FLG2: variants seen among roughly 807,000 people sequenced by gnomAD.
The protein encoded by FLG2 is filaggrin 2, also known as filaggrin-2.
Under a neutral mutation model 3.9 loss-of-function variants are expected in FLG2, and 7 were observed. The ratio of observed to expected loss-of-function variants is 1.79; its 90% CI spans 1.02 to 3.36. The LOEUF is 3.36. Among genes scored for constraint, FLG2 ranks in the 30% most tolerant of loss-of-function variants. FLG2 has a pLI of 0.00. For synonymous variants in FLG2, 1,031 were observed against 1,056.1 expected, an observed-to-expected ratio of 0.98 and a Z score of 0.46; for missense variants, 2,700 against 2,809.4, an observed-to-expected ratio of 0.96 and a Z score of 0.88.
In FLG2 at chr1:152,351,317, G is replaced by A. The variant is rs140645128; in HGVS notation, c.6469C>T (p.His2157Tyr). ...GACTGTCCATGACCAGACTGGCCAT[G>A]TCTAGTGGTATCTCCTGTCTGTCCA... ...IHGQTGDTTR[H>Y]GQSGHGQSTQ... Residue 2157 changes from histidine (H) to tyrosine (Y), a missense_variant, in exon 3 of 3, where the codon CAT (histidine) becomes TAT (tyrosine). His to Tyr is a moderately conservative substitution (Grantham distance 83). Coordinates refer to ENST00000388718, the MANE Select transcript of FLG2 (RefSeq NM_001014342.3). 6 of 1,613,906 alleles carry A rather than the reference G, an allele frequency of 3.7e-6. No homozygotes were observed. The African/African-American group carries it at 5.3e-5, about 14-fold the overall frequency.
Position 152,355,657 on chromosome 1 carries a change from C to G in FLG2, c.2129G>C (p.Gly710Ala). ...TCCAGATGTCTGTCCTGAACTTGAC[C>G]CATGTTGACCATAGCCAGATGATTG... ...SSQSSGYGQH[G>A]SSSGQTSGFG... Residue 710 changes from glycine to alanine, a missense_variant, in exon 3 of 3, where the codon GGG (glycine) becomes GCG (alanine). Physicochemically the swap from Gly to Ala is moderately conservative, Grantham distance 60. Coordinates refer to ENST00000388718, the MANE Select transcript of FLG2 (RefSeq NM_001014342.3). 1 of 1,612,984 alleles carries G rather than the reference C, an allele frequency of 6.2e-7. No homozygotes were observed. The highest frequency in any genetic ancestry group is 8.5e-7 in the Non-Finnish European group (1 of 1,179,912).
At position 152,351,075 on chromosome 1, in the gene FLG2, A is replaced by G. The variant is rs150581091; in HGVS notation, c.6711T>C (p.Tyr2237=). 2.5e-6 allele frequency: 4 copies of G among 1,613,430 alleles called. No homozygotes were observed. Among genetic ancestry groups the G allele is most frequent in the Non-Finnish European group, 3.4e-6 (4 of 1,179,892 alleles). The change falls in exon 3 of 3, where the codon TAT becomes TAC. Residue 2237 remains tyrosine (Y), a synonymous_variant. Transcript: ENST00000388718. ...TGGACCCTCTCTGTGTGGATTGTCC[A>G]TAACCATAGTGGGCATGTCTAGTGG... is the stretch of plus-strand genomic sequence containing the variant. The part of the protein sequence containing the change: ...GDTTRHAHYG[Y]GQSTQRGSRT...
At position 152,351,643 on chromosome 1, in the gene FLG2, C is replaced by T. The variant is rs772380958; in HGVS notation, c.6143G>A (p.Gly2048Glu). ...GHSGVSHTHS[G>E]HAHGQAGSQH... ...AGATCCGGCTTGGCCATGAGCGTGT[C>T]CTGAATGTGTGTGTGAGACCCCTGA... The change falls in exon 3 of 3, where the codon GGA becomes GAA. Residue 2048 changes from glycine to glutamate, a missense_variant. By Grantham distance (98) the Gly-to-Glu change is moderately conservative. Coordinates refer to ENST00000388718, the MANE Select transcript of FLG2 (RefSeq NM_001014342.3). 34 of 1,611,018 alleles carry T rather than the reference C, an allele frequency of 2.1e-5. No individual in the cohort carries two copies. Among genetic ancestry groups the T allele is most frequent in the Non-Finnish European group, 2.7e-5 (32 of 1,179,518 alleles).
Position 152,355,455 on chromosome 1 carries a change from T to C in FLG2, c.2331A>G (p.Ser777=), listed in dbSNP as rs772100193. Residue 777 remains serine (S), a synonymous_variant, in exon 3 of 3, where the codon TCA becomes TCG. Coordinates refer to ENST00000388718, the MANE Select transcript of FLG2 (RefSeq NM_001014342.3). ...GTTGGCCATAGCCAGATGACTGACTTGAGCCAGAACTGTGTTGGCCATAGC... is the reference window on the plus strand; with the variant it reads ...GTTGGCCATAGCCAGATGACTGACTCGAGCCAGAACTGTGTTGGCCATAGC... The part of the protein sequence containing the change: ...QSSYGQHSSG[S]SQSSGYGQHG... 1.2e-6 allele frequency: 2 copies of C among 1,612,754 alleles called. No homozygotes were observed. Among genetic ancestry groups the C allele is most frequent in the Non-Finnish European group, 1.7e-6 (2 of 1,179,802 alleles).
Position 152,356,170 on chromosome 1 carries a change from C to T in FLG2, c.1616G>A (p.Arg539His), listed in dbSNP as rs146826451. The change falls in exon 3 of 3, where the codon CGT becomes CAT. Residue 539 changes from arginine to histidine, a missense_variant. Physicochemically the swap from Arg to His is conservative, Grantham distance 29. Transcript: ENST00000388718. The stretch of plus-strand genomic sequence containing the variant: ...ACCATGTTGGCCATAGCTAGACTGA[C>T]GTGATCTAGACTCATGTTGTCCAAA... ...SGFGQHESRSRQSSYGQHGSG... is the reference protein window; with the variant it reads ...SGFGQHESRSHQSSYGQHGSG... 238 of 1,613,944 alleles carry T rather than the reference C, an allele frequency of 1.5e-4. 1 individual carries two copies. The highest frequency in any genetic ancestry group is 2.4e-4 in the South Asian group (22 of 91,070).
Position 152,354,134 on chromosome 1 carries a change from A to C in FLG2, c.3652T>G (p.Leu1218Val). Residue 1218 changes from leucine (L) to valine (V), a missense_variant, in exon 3 of 3, where the codon TTG (leucine) becomes GTG (valine). Physicochemically the swap from Leu to Val is conservative, Grantham distance 32. Transcript: ENST00000388718. ...ACTTGTTGAGATTCACCCTGGCCCAAGCCAGTTGATTGACCTGAGCCTGAA... is the reference window on the plus strand; with the variant it reads ...ACTTGTTGAGATTCACCCTGGCCCACGCCAGTTGATTGACCTGAGCCTGAA... ...YGSGSGQSTG[L>V]GQGESQQVES... 6.2e-7 allele frequency: 1 copy of C among 1,614,258 alleles called. No homozygotes were observed. The highest frequency in any genetic ancestry group is 8.5e-7 in the Non-Finnish European group (1 of 1,180,044).
Position 152,349,566 on chromosome 1 carries a change from T to C in FLG2, c.*1044A>G, listed in dbSNP as rs11204982. ...AAAATGAAAGAACAGACATATACCC[T>C]TACTACCAAAAGAGGAGATCATGTT... On this transcript the variant is annotated 3_prime_UTR_variant, in exon 3 of 3. Transcript: ENST00000388718. 0.25 allele frequency: 37,594 copies of C among 152,560 alleles called. 5,649 individuals carry two copies. Among genetic ancestry groups the C allele is most frequent in the East Asian group, 0.48 (2,465 of 5,162 alleles). The allele number at this position is 152,560 out of a possible 1,614,324, so 9.5% of individuals were successfully genotyped here. A position where few individuals can be genotyped will look rare whatever the true frequency, so the allele number is the denominator to read the frequency against.
chr1:152,350,887 T>G lies in FLG2; in HGVS notation c.6899A>C (p.Gln2300Pro). The G allele has an allele frequency of 1.2e-6, 2 of 1,614,162 alleles. No homozygotes were observed. The highest frequency in any genetic ancestry group is 1.7e-6 in the Non-Finnish European group (2 of 1,180,020). ...VHGRLETTHG[Q>P]TGDTTRHGHS... Reference sequence around the variant, plus strand: ...GCCATGTCTAGTGGTATCTCCTGTCTGTCCATGAGTAGTTTCCAGTCTCCC... The same window carrying G: ...GCCATGTCTAGTGGTATCTCCTGTCGGTCCATGAGTAGTTTCCAGTCTCCC... Residue 2300 changes from glutamine to proline, a missense_variant, in exon 3 of 3, where the codon CAG (glutamine) becomes CCG (proline). Transcript: ENST00000388718.
chr1:152,358,459 C>T (rs987927597), intron 2 of FLG2, among the ~76,000 whole-genome samples: 2 of 151,870 alleles, frequency 1.3e-5, no homozygotes, highest in Non-Finnish European at 2.9e-5. Flanking sequence ...TTTATTAATT[C>T]GTGTCCTAGT....
chr1:152,353,502 A>G lies in FLG2; in HGVS notation c.4284T>C (p.Ser1428=), dbSNP rs1310531045. Residue 1428 remains serine, a synonymous_variant, in exon 3 of 3, where the codon AGT becomes AGC. Coordinates refer to ENST00000388718, the MANE Select transcript of FLG2 (RefSeq NM_001014342.3). ...GRRGSGHSES[S]DSEVHSGGSH... is the part of the protein sequence containing the mutation. ...AGCCCCCTGAGTGCACTTCACTGTC[A>G]CTGGACTCACTATGGCCAGATCCCC... is the stretch of plus-strand genomic sequence containing the variant. 3 of 1,612,958 alleles carry G rather than the reference A, an allele frequency of 1.9e-6. No homozygotes were observed. Among genetic ancestry groups the G allele is most frequent in the Non-Finnish European group, 2.5e-6 (3 of 1,179,810 alleles).
intron 2 of FLG2, 78 bp downstream of exon 2, chr1:152,358,669 C>A (rs1557901269): frequency 6.8e-7 from 1 of 1,477,848 alleles, no homozygotes; most frequent in Admixed American, 2.3e-5. Flanking sequence ...GGGCTGTGCA[C>A]TTTTTAGCTG....
In FLG2 at chr1:152,357,157, T is replaced by G; in HGVS notation, c.629A>C (p.Lys210Thr). 6.2e-7 allele frequency: 1 copy of G among 1,614,218 alleles called. No homozygotes were observed. The highest frequency in any genetic ancestry group is 8.5e-7 in the Non-Finnish European group (1 of 1,180,036). The change falls in exon 3 of 3, where the codon AAG becomes ACG. Residue 210 changes from lysine to threonine, a missense_variant. Transcript: ENST00000388718. ...SSVELRERIN[K>T]SHISPSRESG... Reference sequence around the variant, plus strand: ...TTCCCTAGAAGGGCTAATGTGTGACTTGTTTATTCTTTCTCTCAGTTCTAC... The same window carrying G: ...TTCCCTAGAAGGGCTAATGTGTGACGTGTTTATTCTTTCTCTCAGTTCTAC...
rs1653860670 is a variant in FLG2 at position 152,350,387 on chromosome 1, CTG to C, written c.*221_*222del. On this transcript the variant is annotated 3_prime_UTR_variant, in exon 3 of 3. Transcript: ENST00000388718. ...CTATGTGTACATCCCTCCCTTCTGG[CTG>C]TGTTATATCCAGGTTGAACATAGGT... The C allele has an allele frequency of 1.7e-6, 1 of 598,672 alleles. No homozygotes were observed. The highest frequency in any genetic ancestry group is 2.9e-6 in the Non-Finnish European group (1 of 349,914). The allele number at this position is 598,672 out of a possible 1,614,324, so 37.1% of individuals were successfully genotyped here.
chr1:152,350,733 A>G lies in FLG2; in HGVS notation c.7053T>C (p.Pro2351=). The G allele has an allele frequency of 1.9e-6, 3 of 1,614,226 alleles. No individual in the cohort carries two copies. In the South Asian group the frequency reaches 3.3e-5, roughly 18 times the overall value. ...SQVWKHGSYG[P]AEYDYGHTGY... is the part of the protein sequence containing the mutation. ...CAGTGTGCCCATAGTCATATTCTGCAGGTCCATAGCTGCCATGTTTCCAAA... is the reference window on the plus strand; with the variant it reads ...CAGTGTGCCCATAGTCATATTCTGCGGGTCCATAGCTGCCATGTTTCCAAA... The change falls in exon 3 of 3, where the codon CCT becomes CCC. Residue 2351 remains proline (P), a synonymous_variant. Coordinates refer to ENST00000388718, the MANE Select transcript of FLG2 (RefSeq NM_001014342.3).
chr1:152,352,639 G>T lies in FLG2; in HGVS notation c.5147C>A (p.Thr1716Lys). Residue 1716 changes from threonine to lysine, a missense_variant, in exon 3 of 3, where the codon ACA becomes AAA. Transcript: ENST00000388718. ...AHYHHGLTTQ[T>K]GSRTTGRRGS... ...CCTTCTTCCAGTAGTCCTGGACCCT[G>T]TCTGTGTGGTTAATCCATGATGATA... The T allele has an allele frequency of 6.2e-7, 1 of 1,613,110 alleles. No homozygotes were observed. The highest frequency in any genetic ancestry group is 8.5e-7 in the Non-Finnish European group (1 of 1,179,694).
rs142717847 is a variant in FLG2 at position 152,354,959 on chromosome 1, C to T, written c.2827G>A (p.Gly943Arg). Residue 943 changes from glycine (G) to arginine (R), a missense_variant, in exon 3 of 3, where the codon GGA becomes AGA. By Grantham distance (125) the Gly-to-Arg change is moderately radical (BLOSUM62 -2). Transcript: ENST00000388718. ...TGTTGTCCAAATCCAAAAGTCTGTC[C>T]TGAACTTGACCCATGTTGACCATAG... ...SGYGQHGSSS[G>R]QTFGFGQHRS... is the part of the protein sequence containing the mutation. 1.2e-6 allele frequency: 2 copies of T among 1,603,066 alleles called. No individual in the cohort carries two copies. The highest frequency in any genetic ancestry group is 1.3e-5 in the African/African-American group (1 of 74,436).
rs147981618 is a variant in FLG2, at chr1:152,358,855, G to T, written c.30C>A (p.Thr10=). Residue 10 remains threonine (T), a synonymous_variant, in exon 2 of 3, where the codon ACC becomes ACA. Transcript: ENST00000388718. MTDLLRSVV[T]VIDVFYKYTK... is the part of the protein sequence containing the mutation. ...TGTATTTGTAGAAAACATCAATTAC[G>T]GTGACAACACTTCTCAAGAGGTCGG... 1.1e-5 allele frequency: 17 copies of T among 1,613,544 alleles called. No individual in the cohort carries two copies. Among genetic ancestry groups the T allele is most frequent in the Non-Finnish European group, 1.4e-5 (17 of 1,179,828 alleles).
In FLG2 at chr1:152,355,521, G is replaced by A; in HGVS notation, c.2265C>T (p.Ser755=). Residue 755 remains serine (S), a synonymous_variant, in exon 3 of 3, where the codon TCC becomes TCT. Transcript: ENST00000388718. ...FGQHGSGSGQ[S]SGFGQHESRS... is the part of the protein sequence containing the mutation. ...TAGACTCATGTTGTCCAAAGCCAGA[G>A]GATTGTCCTGAGCCAGACCCATGTT... 6.2e-7 allele frequency: 1 copy of A among 1,613,466 alleles called. No homozygotes were observed.
In FLG2 at chr1:152,352,492, T is replaced by C. The variant is rs1295122900; in HGVS notation, c.5294A>G (p.Glu1765Gly). The C allele has an allele frequency of 2.5e-6, 4 of 1,613,218 alleles. No individual in the cohort carries two copies. The African/African-American group carries it at 5.4e-5, about 22-fold the overall frequency. The change falls in exon 3 of 3, where the codon GAG (glutamate) becomes GGG (glycine). Residue 1765 changes from glutamate (E) to glycine (G), a missense_variant. By Grantham distance (98) the Glu-to-Gly change is moderately conservative (BLOSUM62 -2). Coordinates refer to ENST00000388718, the MANE Select transcript of FLG2 (RefSeq NM_001014342.3). ...QHGESESIVH[E>G]RHGTIHGQTG... is the part of the protein sequence containing the mutation. ...CTGTCCATGTATAGTTCCATGTCTC[T>C]CATGAACTATGGATTCTGACTCTCC... is the stretch of plus-strand genomic sequence containing the variant.
Sources: allele counts gnomAD v4.1 joint callset (sites outside exome capture counted in the v4.1 genomes callset), GRCh38; gene constraint gnomAD v4.1.1; transcripts MANE v1.5; gene names NCBI Gene and HGNC (gene_info 2026-07-23, HGNC 2026-07-21).